ERCC6: variants seen among roughly 807,000 people sequenced by gnomAD.
ERCC6 encodes the protein ERCC excision repair 6, chromatin remodeling factor.
Under a neutral mutation model 158.7 loss-of-function variants are expected in ERCC6, and 116 were observed. The observed-to-expected ratio is 0.73, with a 90% CI of 0.63 to 0.85. The LOEUF (loss-of-function observed/expected upper bound fraction) is 0.85. Among genes scored for constraint, ERCC6 ranks in the 40% least tolerant of loss-of-function variants. The pLI is 0.00. For synonymous variants in ERCC6, 678 were observed against 659.3 expected, an observed-to-expected ratio of 1.03 and a Z score of -0.43; for missense variants, 1,698 against 1,799.4, an observed-to-expected ratio of 0.94 and a Z score of 1.02.
At chr10:49,475,368 T>C (rs889230462) in intron 12 of ERCC6, 17 of 437,330 alleles carry the variant, frequency 3.9e-5, no homozygotes, top group Admixed American at 3.1e-4. Context: ...CTAGAAAATT[T>C]ACAATTCCAA....
intron 1 of ERCC6, among the ~76,000 whole-genome samples, chr10:49,536,390 G>C (rs1201862164): frequency 6.6e-6 from 1 of 152,130 alleles, no homozygotes; most frequent in African/African-American, 2.4e-5. Context: ...TACCAAAAGA[G>C]ACAGCAAAAG....
intron 15 of ERCC6, 195 bp downstream of exon 15, chr10:49,472,714 A>G: frequency 1.3e-6 from 1 of 749,688 alleles, no homozygotes; most frequent in Non-Finnish European, 2.2e-6. Context: ...AATGAATGCT[A>G]TGGATAAACT....
intron 16 of ERCC6, among the ~76,000 whole-genome samples, 161 bp from the exon 17 acceptor site, chr10:49,471,281 A>G (rs1039970231): frequency 7.9e-5 from 12 of 152,198 alleles, no homozygotes; most frequent in African/African-American, 2.4e-4. Flanking sequence ...CAGGAAATAT[A>G]TAATACATCA....
chr10:49,528,079 A>G (rs950973722), intron 4 of ERCC6, among the ~76,000 whole-genome samples: 1 of 152,238 alleles, frequency 6.6e-6, no homozygotes, highest in African/African-American at 2.4e-5. Flanking sequence ...GCGATTAATG[A>G]TGTTGGGCTT....
chr10:49,435,501 A>C, the ERCC6 span, among the ~76,000 whole-genome samples: 2 of 152,236 alleles, frequency 1.3e-5, no homozygotes, highest in South Asian at 4.1e-4. Flanking sequence ...AAACAGCACT[A>C]AAAATCAATT....
chr10:49,487,504 G>A (rs569506860), intron 8 of ERCC6, among the ~76,000 whole-genome samples: 11 of 152,206 alleles, frequency 7.2e-5, no homozygotes, highest in African/African-American at 2.4e-4. Flanking sequence ...GGACTCCCTC[G>A]CCACCAGCCC....
chr10:49,460,066 G>A, intron 20 of ERCC6: 2 of 448,468 alleles, frequency 4.5e-6, no homozygotes, highest in South Asian at 4.3e-5. Context: ...GGTCTCTGGA[G>A]CTGGCACTTT....
At position 49,500,561 on chromosome 10, in the gene ERCC6, G is replaced by A. The variant is rs746372685; in HGVS notation, c.1662C>T (p.Ile554=). The A allele has an allele frequency of 6.8e-6, 11 of 1,613,802 alleles. No homozygotes were observed. The African/African-American group carries it at 1.5e-4, about 22-fold the overall frequency. The change falls in exon 7 of 21, where the codon ATC becomes ATT. Residue 554 remains isoleucine, a synonymous_variant. Coordinates refer to ENST00000355832, the MANE Select transcript of ERCC6 (RefSeq NM_000124.4). ...GCCTGTAATTTGAACCACGAGTCCT[G>A]ATCTTGCTGTAGCTCAGACCTGCCA... ...AFLAGLSYSK[I]RTRGSNYRFE...
chr10:49,526,383 C>CT (rs1401957988), intron 4 of ERCC6, among the ~76,000 whole-genome samples: 47 of 151,782 alleles, frequency 3.1e-4, no homozygotes, highest in Middle Eastern at 6.8e-3. Context: ...TTTGGATAGC[C>CT]TTTTTTGTGT....
At chr10:49,506,144 C>A (rs1246199746) in intron 5 of ERCC6, 132 bp from the exon 6 acceptor site, 7 of 915,060 alleles carry the variant, frequency 7.6e-6, no homozygotes, top group Admixed American at 6.2e-5. Context: ...GCCATTATTA[C>A]CCAAAACACT....
intron 10 of ERCC6, among the ~76,000 whole-genome samples, chr10:49,481,791 C>T (rs1207710491): frequency 6.6e-6 from 1 of 152,204 alleles, no homozygotes; most frequent in East Asian, 1.9e-4. Flanking sequence ...GCCTCCAAAC[C>T]TTGTTTGTTC....
chr10:49,474,619 T>C (rs997504680), intron 12 of ERCC6, among the ~76,000 whole-genome samples: 4 of 152,198 alleles, frequency 2.6e-5, no homozygotes, highest in African/African-American at 7.2e-5. Flanking sequence ...AACCTAAATT[T>C]GGAGACATCA....
the ERCC6 span, among the ~76,000 whole-genome samples, chr10:49,447,771 A>G: frequency 6.6e-6 from 1 of 151,472 alleles, no homozygotes; most frequent in South Asian, 2.1e-4. Context: ...ACAACCATTC[A>G]TCTGCTTTCT....
intron 9 of ERCC6, 37 bp from the exon 10 acceptor site, chr10:49,482,900 A>C: frequency 5.6e-6 from 9 of 1,611,516 alleles, no homozygotes; most frequent in Non-Finnish European, 7.6e-6. Flanking sequence ...TATTAAATTT[A>C]CCTTTTAGCA....
At chr10:49,474,416 A>G (rs538087994) in intron 12 of ERCC6, among the ~76,000 whole-genome samples, 174 bp from the exon 13 acceptor site, 1 of 152,292 alleles carries the variant, frequency 6.6e-6, no homozygotes, top group Non-Finnish European at 1.5e-5. Context: ...ACTTTCACTC[A>G]TCTTGTTTCC....
intron 7 of ERCC6, among the ~76,000 whole-genome samples, chr10:49,500,010 A>G (rs1851330693): frequency 1.3e-5 from 2 of 152,228 alleles, no homozygotes; most frequent in Non-Finnish European, 2.9e-5. Flanking sequence ...AGCTATCTAG[A>G]AATGCTATCA....
rs772019940 is a variant in ERCC6, at chr10:49,532,737, G to A, written c.228C>T (p.Asp76=). ...GCTCTACTGCCTGGATCTGATGTCG[G>A]TCGATGTGCAGCAGGGCTGGCCCTC... The part of the protein sequence containing the change: ...PRRGPALLHI[D]RHQIQAVEPS... The change falls in exon 2 of 21, where the codon GAC becomes GAT. Residue 76 remains aspartate, a synonymous_variant. Coordinates refer to ENST00000355832, the MANE Select transcript of ERCC6 (RefSeq NM_000124.4). 3 of 1,614,232 alleles carry A rather than the reference G, an allele frequency of 1.9e-6. No individual in the cohort carries two copies. The highest frequency in any genetic ancestry group is 2.2e-5 in the East Asian group (1 of 44,882).
chr10:49,467,584 G>T (rs1047827680), intron 18 of ERCC6, among the ~76,000 whole-genome samples: 1 of 151,848 alleles, frequency 6.6e-6, no homozygotes, highest in East Asian at 1.9e-4. Flanking sequence ...ATTATTTTTT[G>T]ACATGGGGTC....
At chr10:49,443,543 C>A in the ERCC6 span, among the ~76,000 whole-genome samples, 1 of 152,232 alleles carries the variant, frequency 6.6e-6, no homozygotes, top group Non-Finnish European at 1.5e-5. Flanking sequence ...CCCTACTGCA[C>A]TGCCAGTTGT....
Sources: gnomAD v4.1 joint callset for allele counts (sites outside exome capture counted in the v4.1 genomes callset) on GRCh38, gnomAD v4.1.1 for gene constraint, MANE v1.5 for transcripts, NCBI Gene and HGNC (gene_info 2026-07-23, HGNC 2026-07-21) for gene names.